The following TBL1XR1 variants were observed in gnomAD, a reference collection of about 807,000 sequenced individuals.
TBL1XR1 encodes the protein F-box-like/WD repeat-containing protein TBL1XR1.
A neutral mutation model predicts 66.9 loss-of-function variants in TBL1XR1; 5 were observed. The observed-to-expected ratio is 0.07, with a 90% CI of 0.04 to 0.16. TBL1XR1 has a LOEUF of 0.16. Among genes scored for constraint, TBL1XR1 ranks in the 10% least tolerant of loss-of-function variants. The pLI is 1.00. For synonymous variants in TBL1XR1, 210 were observed against 206.0 expected, an observed-to-expected ratio of 1.02 and a Z score of -0.17; for missense variants, 238 against 623.2, an observed-to-expected ratio of 0.38 and a Z score of 6.58.
At chr3:177,151,188 C>T (rs1730839124) in intron 1 of TBL1XR1, among the ~76,000 whole-genome samples, 2 of 152,230 alleles carry the variant, frequency 1.3e-5, no homozygotes, top group African/African-American at 4.8e-5. Flanking sequence ...AAAGCCAAAT[C>T]TGTGACTGAG....
At position 177,188,197 on chromosome 3, in the gene TBL1XR1, T is replaced by A. The variant is rs1435671136; in HGVS notation, c.-122+8924A>T. Among the ~76,000 whole-genome samples, 5 of 152,084 alleles carry A rather than the reference T, an allele frequency of 3.3e-5. No individual in the cohort carries two copies. In the East Asian group the frequency reaches 5.8e-4, roughly 18 times the overall value. ...CACCCACCTCGGCCTCCCAAAGTGCTGGGATTACAGGCATCAGCCACCGTG... is the reference window on the plus strand; with the variant it reads ...CACCCACCTCGGCCTCCCAAAGTGCAGGGATTACAGGCATCAGCCACCGTG... On this transcript the variant is annotated intron_variant, in intron 1 of 15. Transcript: ENST00000457928.
intron 1 of TBL1XR1, among the ~76,000 whole-genome samples, chr3:177,179,175 C>CGCA (rs1239548491): frequency 3.3e-5 from 5 of 149,394 alleles, no homozygotes; most frequent in Admixed American, 6.7e-5. Context: ...GGGGGAGAAT[C>CGCA]GCACAACAAC....
At chr3:177,112,109 T>TATATATATATATATATATA (rs1560188974) in intron 1 of TBL1XR1, among the ~76,000 whole-genome samples, 4 of 36,982 alleles carry the variant, frequency 1.1e-4, no homozygotes, top group African/African-American at 4.4e-4. Context: ...ATATATATAT[T>TATATATATATATATATATA]TTTTTTTTTT....
intron 1 of TBL1XR1, among the ~76,000 whole-genome samples, chr3:177,165,092 G>T (rs1334280104): frequency 6.6e-6 from 1 of 151,926 alleles, no homozygotes; most frequent in Non-Finnish European, 1.5e-5. Flanking sequence ...GTAAAGAATG[G>T]GAAGGAAGAA....
intron 2 of TBL1XR1, among the ~76,000 whole-genome samples, chr3:177,095,782 C>G (rs1435071912): frequency 6.6e-6 from 1 of 151,874 alleles, no homozygotes. Flanking sequence ...TGCACCCTGC[C>G]GTAAAGTGCA....
At chr3:177,173,307 T>G (rs1361746520) in intron 1 of TBL1XR1, among the ~76,000 whole-genome samples, 11 of 152,208 alleles carry the variant, frequency 7.2e-5, no homozygotes, top group Non-Finnish European at 1.6e-4. Context: ...CCCTTTGCCT[T>G]GCATGAGGGC....
At chr3:177,060,882 T>A (rs1339443672) in intron 3 of TBL1XR1, among the ~76,000 whole-genome samples, 1 of 152,240 alleles carries the variant, frequency 6.6e-6, no homozygotes, top group East Asian at 1.9e-4. Flanking sequence ...ACAATACTTT[T>A]GAATCAAGTT....
intron 1 of TBL1XR1, among the ~76,000 whole-genome samples, chr3:177,135,943 A>G (rs1728944488): frequency 6.6e-6 from 1 of 151,786 alleles, no homozygotes; most frequent in Admixed American, 6.6e-5. Context: ...TTCCTTCCCA[A>G]TGAGGAAATT....
Position 177,188,742 on chromosome 3 carries a change from C to T in TBL1XR1, c.-122+8379G>A, listed in dbSNP as rs9817670. On this transcript the variant is annotated intron_variant, in intron 1 of 15. Coordinates refer to ENST00000457928, the MANE Select transcript of TBL1XR1 (RefSeq NM_024665.7). Reference sequence around the variant, plus strand: ...AACCTATTCATTTCACATAAATCTCCTGAATCTGGGTACTCTATGTTTACC... The same window carrying T: ...AACCTATTCATTTCACATAAATCTCTTGAATCTGGGTACTCTATGTTTACC... 5.0e-3 allele frequency among the ~76,000 whole-genome samples: 765 copies of T among 152,264 alleles called. 6 individuals carry two copies. Among genetic ancestry groups the T allele is most frequent in the African/African-American group, 0.017 (721 of 41,544 alleles).
At chr3:177,072,162 C>A (rs545757777) in intron 2 of TBL1XR1, among the ~76,000 whole-genome samples, 1 of 152,280 alleles carries the variant, frequency 6.6e-6, no homozygotes, top group Admixed American at 6.5e-5. Context: ...TAAGGCTGTT[C>A]AAGGTGTTCA....
Position 177,189,001 on chromosome 3 carries a change from T to A in TBL1XR1, c.-122+8120A>T, listed in dbSNP as rs1036489429. 5.5e-5 allele frequency among the ~76,000 whole-genome samples: 8 copies of A among 146,446 alleles called. No homozygotes were observed. The South Asian group carries it at 1.1e-3, about 20-fold the overall frequency. Reference sequence around the variant, plus strand: ...GGCGGGTGGATCACGAGGTCAGGGGTTCAAGACCAGCCTGGCCAACATAAC... The same window carrying A: ...GGCGGGTGGATCACGAGGTCAGGGGATCAAGACCAGCCTGGCCAACATAAC... On this transcript the variant is annotated intron_variant, in intron 1 of 15. Transcript: ENST00000457928.
chr3:177,072,263 C>G (rs1467063521), intron 2 of TBL1XR1, among the ~76,000 whole-genome samples: 1 of 152,110 alleles, frequency 6.6e-6, no homozygotes, highest in African/African-American at 2.4e-5. Context: ...CCGTAGACCC[C>G]TGGAGTTCCC....
At chr3:177,056,031 G>A (rs1260417780) in intron 3 of TBL1XR1, among the ~76,000 whole-genome samples, 1 of 152,166 alleles carries the variant, frequency 6.6e-6, no homozygotes, top group African/African-American at 2.4e-5. Flanking sequence ...TAAAGCTAAG[G>A]GAGAGAGTGA....
intron 1 of TBL1XR1, among the ~76,000 whole-genome samples, chr3:177,106,083 G>T (rs1177333858): frequency 6.6e-6 from 1 of 151,902 alleles, no homozygotes. Flanking sequence ...GAACAGAAAA[G>T]TAAGGACAAT....
intron 15 of TBL1XR1, 46 bp from the exon 16 acceptor site, chr3:177,025,570 G>A (rs565449852): frequency 1.9e-6 from 3 of 1,575,504 alleles, no homozygotes; most frequent in Admixed American, 1.7e-5. Flanking sequence ...GAATTTTATT[G>A]TACATTTTAT....
At chr3:177,112,095 ATATATATATATAT>A (rs1415142785) in intron 1 of TBL1XR1, among the ~76,000 whole-genome samples, 2 of 48,064 alleles carry the variant, frequency 4.2e-5, no homozygotes, top group Admixed American at 2.0e-4. Context: ...ATATATATAT[ATATATATATATAT>A]TTTTTTTTTT....
At chr3:177,115,224 CAACT>C (rs1462627931) in intron 1 of TBL1XR1, among the ~76,000 whole-genome samples, 1 of 151,954 alleles carries the variant, frequency 6.6e-6, no homozygotes, top group East Asian at 1.9e-4. Context: ...GTATTTCATA[CAACT>C]AACTACTTCC....
chr3:177,080,938 C>A lies in TBL1XR1; in HGVS notation c.-45-15916G>T, dbSNP rs143278395. On this transcript the variant is annotated intron_variant, in intron 2 of 15. Transcript: ENST00000457928. ...AGGTTCTTACCTGGCAGACTTAACA[C>A]TTCAAGGATATGAGAACCAGTAAAC... 8.2e-3 allele frequency among the ~76,000 whole-genome samples: 1,249 copies of A among 152,300 alleles called. 17 individuals carry two copies. Among genetic ancestry groups the A allele is most frequent in the African/African-American group, 0.029 (1,193 of 41,564 alleles).
intron 1 of TBL1XR1, among the ~76,000 whole-genome samples, chr3:177,125,711 T>A (rs1458355354): frequency 6.6e-6 from 1 of 152,134 alleles, no homozygotes; most frequent in Non-Finnish European, 1.5e-5. Flanking sequence ...CATGGAGAAG[T>A]GCTGGCAATT....
Sources: allele counts gnomAD v4.1 joint callset (sites outside exome capture counted in the v4.1 genomes callset), GRCh38; gene constraint gnomAD v4.1.1; transcripts MANE v1.5; gene names NCBI Gene and HGNC (gene_info 2026-07-23, HGNC 2026-07-21).